The following APOOL variants were observed in gnomAD, a reference collection of about 807,000 sequenced individuals.
APOOL encodes MICOS complex subunit MIC27.
APOOL carries 12 observed loss-of-function variants against 23.1 expected under a neutral mutation model. That is an observed-to-expected ratio of 0.52 (90% CI 0.33 to 0.84). The LOEUF (loss-of-function observed/expected upper bound fraction) is 0.84, where lower values mean the gene tolerates loss of function less well. Among genes scored for constraint, APOOL ranks in the 40% least tolerant of loss-of-function variants. The pLI, the probability that APOOL is intolerant of heterozygous loss-of-function variation, is 0.02. For missense variants in APOOL, 212 were observed against 199.6 expected (o/e 1.06, Z -0.37); for synonymous variants, 77 against 69.9 (o/e 1.10, Z -0.51).
At chrX:85,079,640 G>T (rs1924007194) in intron 8 of APOOL, among the ~76,000 whole-genome samples, 1 of 111,609 alleles carries the variant, frequency 9.0e-6, no homozygotes, top group Admixed American at 9.5e-5. Context: ...TTTTTCTATT[G>T]ATTGGAATAG....
At chrX:85,011,023 T>A (rs1921260557) in intron 1 of APOOL, among the ~76,000 whole-genome samples, 1 of 112,146 alleles carries the variant, frequency 8.9e-6, no homozygotes, top group Non-Finnish European at 1.9e-5. Flanking sequence ...TTTTTTATTT[T>A]TAATTATGGC....
At chrX:85,022,381 G>A (rs1390563883) in intron 1 of APOOL, among the ~76,000 whole-genome samples, 3 of 111,558 alleles carry the variant, frequency 2.7e-5, no homozygotes, top group South Asian at 3.8e-4. Flanking sequence ...TAAAATAATC[G>A]TTTACCCTGA....
At chrX:85,043,981 T>A (rs1015186052) in intron 1 of APOOL, among the ~76,000 whole-genome samples, 1 of 111,827 alleles carries the variant, frequency 8.9e-6, no homozygotes, top group Admixed American at 9.5e-5. Context: ...TTTTTTCAGA[T>A]ATTTAACCTA....
intron 2 of APOOL, 146 bp from the exon 3 acceptor site, chrX:85,051,243 A>G (rs1922758097): frequency 4.7e-6 from 3 of 637,540 alleles, no homozygotes; most frequent in East Asian, 7.2e-5. Flanking sequence ...TCATTCCTGT[A>G]TTTAAGATGG....
rs192040620 is a variant in APOOL, at chrX:85,060,632, T to A, written c.394+4707T>A. On this transcript the variant is annotated intron_variant, in intron 5 of 8. Coordinates refer to ENST00000373173, the MANE Select transcript of APOOL (RefSeq NM_198450.6). ...TTGGATTCCTAGGTATTTTATTCTC[T>A]TTGTAGCAACTGTGAATGGGAGTTC... Among the ~76,000 whole-genome samples, 201 of 111,579 alleles carry A rather than the reference T, an allele frequency of 1.8e-3. 1 individual carries two copies. In the East Asian group the frequency reaches 0.019, roughly 11 times the overall value.
chrX:85,028,854 A>G (rs767256012), intron 1 of APOOL, among the ~76,000 whole-genome samples: 37 of 111,567 alleles, frequency 3.3e-4, no homozygotes, highest in African/African-American at 1.2e-3. Context: ...TCCTTGTTGA[A>G]AATACTGGAT....
At chrX:85,053,208 A>C (rs189514705) in intron 3 of APOOL, among the ~76,000 whole-genome samples, 9 of 111,024 alleles carry the variant, frequency 8.1e-5, no homozygotes, top group Middle Eastern at 4.7e-3. Flanking sequence ...GCTAAGAAAA[A>C]TTTTTTTTGA....
intron 1 of APOOL, among the ~76,000 whole-genome samples, chrX:85,042,763 T>A (rs1490715397): frequency 8.9e-6 from 1 of 112,140 alleles, no homozygotes; most frequent in African/African-American, 3.2e-5. Context: ...ATCCTAGCGA[T>A]GCAAGGATGG....
intron 5 of APOOL, among the ~76,000 whole-genome samples, chrX:85,060,614 C>G (rs949934321): frequency 9.0e-6 from 1 of 111,038 alleles, no homozygotes; most frequent in Non-Finnish European, 1.9e-5. Flanking sequence ...AAGTTGGATT[C>G]CTAGGTATTT....
At chrX:85,079,949 T>G (rs192304720) in intron 8 of APOOL, among the ~76,000 whole-genome samples, 152 of 112,004 alleles carry the variant, frequency 1.4e-3, no homozygotes, top group African/African-American at 4.6e-3. Context: ...CCCTTTATCA[T>G]TTTTTATTGC....
At position 85,087,167 on chromosome X, in the gene APOOL, A is replaced by G. The variant is rs777165671; in HGVS notation, c.719-423A>G. ...ATCTCACTGCCTTGCCGCCACCCCT[A>G]CATACACCACATTTGTCTACTGTGT... is the stretch of plus-strand genomic sequence containing the variant. On this transcript the variant is annotated intron_variant, in intron 8 of 8. Coordinates refer to ENST00000373173, the MANE Select transcript of APOOL (RefSeq NM_198450.6). Among the ~76,000 whole-genome samples, 3 of 110,188 alleles carry G rather than the reference A, an allele frequency of 2.7e-5. No individual in the cohort carries two copies. The South Asian group carries it at 1.2e-3, about 44-fold the overall frequency.
intron 6 of APOOL, among the ~76,000 whole-genome samples, chrX:85,072,586 A>G (rs981727326): frequency 7.2e-5 from 8 of 111,307 alleles, no homozygotes; most frequent in African/African-American, 2.3e-4. Context: ...ACCCCCAAAA[A>G]GGAAAACAGC....
intron 6 of APOOL, among the ~76,000 whole-genome samples, chrX:85,067,941 G>A (rs1311639179): frequency 1.8e-5 from 2 of 110,616 alleles, no homozygotes; most frequent in Non-Finnish European, 3.8e-5. Flanking sequence ...GTTACCAGAA[G>A]GACTTTCTGT....
At chrX:85,016,168 T>C (rs1044253648) in intron 1 of APOOL, among the ~76,000 whole-genome samples, 1 of 108,393 alleles carries the variant, frequency 9.2e-6, no homozygotes, top group African/African-American at 3.3e-5. Flanking sequence ...AAGGAAAGTA[T>C]CCCTGGATAG....
At chrX:85,077,790 G>A (rs761782235) in intron 8 of APOOL, among the ~76,000 whole-genome samples, 1 of 111,604 alleles carries the variant, frequency 9.0e-6, no homozygotes, top group African/African-American at 3.3e-5. Flanking sequence ...ACTTTTTAAT[G>A]ATCACCATTC....
intron 8 of APOOL, among the ~76,000 whole-genome samples, chrX:85,086,505 TAGTC>T (rs754486865): frequency 9.0e-6 from 1 of 111,667 alleles, no homozygotes; most frequent in Non-Finnish European, 1.9e-5. Flanking sequence ...TCACAAGACA[TAGTC>T]AGTCCATTTA....
intron 5 of APOOL, among the ~76,000 whole-genome samples, chrX:85,063,200 A>C (rs190253689): frequency 9.0e-6 from 1 of 111,591 alleles, no homozygotes; most frequent in African/African-American, 3.3e-5. Flanking sequence ...CAAATTTTGC[A>C]CTTTGATTTT....
In APOOL at chrX:85,093,086, A is replaced by C. The variant is rs1470486855; in HGVS notation, c.*5408A>C. On this transcript the variant is annotated 3_prime_UTR_variant, in exon 9 of 9. Transcript: ENST00000373173. ...GAAATTTGAAGTATATGTTGGGGTTATGTTCAAATGGTGAGATTAATGATT... is the reference window on the plus strand; with the variant it reads ...GAAATTTGAAGTATATGTTGGGGTTCTGTTCAAATGGTGAGATTAATGATT... 4 of 824,511 alleles carry C rather than the reference A, an allele frequency of 4.9e-6. No individual in the cohort carries two copies. The highest frequency in any genetic ancestry group is 6.9e-6 in the Non-Finnish European group (4 of 582,588). 67.9% of individuals were successfully genotyped at this position (824,511 alleles called of 1,213,427 possible).
chrX:85,060,803 A>G (rs1173132282), intron 5 of APOOL, among the ~76,000 whole-genome samples: 6 of 111,340 alleles, frequency 5.4e-5, no homozygotes, highest in Admixed American at 3.8e-4. Flanking sequence ...GGTTTTCTAG[A>G]TATACAATCA....
Sources: gnomAD v4.1 joint callset for allele counts (sites outside exome capture counted in the v4.1 genomes callset) on GRCh38, gnomAD v4.1.1 for gene constraint, MANE v1.5 for transcripts, NCBI Gene and HGNC (gene_info 2026-07-23, HGNC 2026-07-21) for gene names.